VCL: variants seen among roughly 807,000 people sequenced by gnomAD.
VCL encodes epididymis luminal protein 114.
A neutral mutation model predicts 125.7 loss-of-function variants in VCL; 47 were observed. The observed-to-expected ratio is 0.37, with a 90% CI of 0.30 to 0.48. VCL has a LOEUF of 0.48. VCL is among the 20% of genes least tolerant of loss of function. The probability of loss-of-function intolerance (pLI) is 0.99; values close to 1 mark genes in which losing one functional copy is unlikely to be tolerated. For missense variants in VCL, 1,069 were observed against 1,455.5 expected, an observed-to-expected ratio of 0.73 and a Z score of 4.32; for synonymous variants, 458 against 514.6, an observed-to-expected ratio of 0.89 and a Z score of 1.49.
At chr10:74,102,961 G>T (rs905475701) in intron 14 of VCL, among the ~76,000 whole-genome samples, 1 of 151,996 alleles carries the variant, frequency 6.6e-6, no homozygotes, top group Admixed American at 6.5e-5. Flanking sequence ...CCGCCTCCGG[G>T]GTTCAAGCGA....
At chr10:74,055,397 T>G (rs1841374243) in intron 2 of VCL, among the ~76,000 whole-genome samples, 1 of 152,120 alleles carries the variant, frequency 6.6e-6, no homozygotes, top group Admixed American at 6.5e-5. Flanking sequence ...TAGGCTGGAA[T>G]GTAGTTGTGT....
chr10:74,085,948 A>C (rs1392374960), intron 8 of VCL, among the ~76,000 whole-genome samples: 2 of 151,990 alleles, frequency 1.3e-5, no homozygotes, highest in Non-Finnish European at 2.9e-5. Flanking sequence ...GCTCACTGTA[A>C]CTTCCGCCTC....
chr10:74,117,123 T>C (rs1275931070), intron 21 of VCL, among the ~76,000 whole-genome samples: 3 of 152,222 alleles, frequency 2.0e-5, no homozygotes, highest in African/African-American at 4.8e-5. Flanking sequence ...AAGTGGTTGG[T>C]TGCTTGGTTT....
chr10:74,038,060 C>T (rs530397035), intron 1 of VCL, among the ~76,000 whole-genome samples: 11 of 147,290 alleles, frequency 7.5e-5, no homozygotes, highest in Admixed American at 6.9e-4. Context: ...TGCAGTGGTG[C>T]GATCTCAGTT....
At chr10:74,013,778 T>C (rs1267637935) in intron 1 of VCL, among the ~76,000 whole-genome samples, 1 of 152,244 alleles carries the variant, frequency 6.6e-6, no homozygotes, top group Non-Finnish European at 1.5e-5. Flanking sequence ...TTCATTAAAA[T>C]GTTTATAACT....
intron 1 of VCL, among the ~76,000 whole-genome samples, chr10:74,006,137 C>T (rs1840320643): frequency 1.3e-5 from 2 of 151,944 alleles, no homozygotes; most frequent in South Asian, 2.1e-4. Context: ...CCGCTCGCCT[C>T]GGCCTCCCAA....
At chr10:74,046,593 A>C (rs889835131) in intron 2 of VCL, among the ~76,000 whole-genome samples, 8 of 152,184 alleles carry the variant, frequency 5.3e-5, no homozygotes. Context: ...TAAACATATT[A>C]TAATTAAACT....
chr10:74,042,931 C>A, intron 1 of VCL, 152 bp from the exon 2 acceptor site: 1 of 696,992 alleles, frequency 1.4e-6, no homozygotes, highest in African/African-American at 1.8e-5. Context: ...TGTGAGTAAT[C>A]CTAAAAAATT....
intron 1 of VCL, among the ~76,000 whole-genome samples, chr10:74,028,256 T>A (rs1158842157): frequency 6.6e-6 from 1 of 151,972 alleles, no homozygotes; most frequent in Non-Finnish European, 1.5e-5. Context: ...TTTATTTTTT[T>A]TATTTTTTGT....
chr10:74,094,422 C>T lies in VCL; in HGVS notation c.1504C>T (p.Arg502Trp), dbSNP rs754221616. 5.0e-6 allele frequency: 8 copies of T among 1,614,060 alleles called. No homozygotes were observed. In the South Asian group the frequency reaches 5.5e-5, roughly 11 times the overall value. ...HLEGKIEQAQ[R>W]WIDNPTVDDR... ...TGAGGGCAAGATTGAGCAAGCACAG[C>T]GGTGGATTGATAATCCCACAGTGGA... is the stretch of plus-strand genomic sequence containing the variant. Residue 502 changes from arginine to tryptophan, a missense_variant, in exon 11 of 22, where the codon CGG becomes TGG. Physicochemically the swap from Arg to Trp is moderately radical, Grantham distance 101 (BLOSUM62 -3). Around this residue, in one of 6 missense-constraint regions of VCL, gnomAD observed 760 missense variants for 928.9 expected, o/e 0.82. Coordinates refer to ENST00000211998, the MANE Select transcript of VCL (RefSeq NM_014000.3).
intron 1 of VCL, among the ~76,000 whole-genome samples, chr10:74,002,246 C>T (rs1840239623): frequency 6.6e-6 from 1 of 152,206 alleles, no homozygotes; most frequent in South Asian, 2.1e-4. Context: ...CTGCCTCAGC[C>T]TCCCTAGTAG....
chr10:74,083,424 A>C lies in VCL; in HGVS notation c.933A>C (p.Glu311Asp). ...TAGATGAAGCTGGAAAAGTTGGTGA[A>C]CTCTGTGCAGGCAAAGAACGCAGGG... ...QILDEAGKVGELCAGKERREI... is the reference protein window; with the variant it reads ...QILDEAGKVGDLCAGKERREI... Residue 311 changes from glutamate (E) to aspartate (D), a missense_variant, in exon 8 of 22, where the codon GAA becomes GAC. Physicochemically the swap from Glu to Asp is conservative, Grantham distance 45. This residue lies in a region of VCL where 760 missense variants were observed against 928.9 expected (regional missense o/e 0.82). Transcript: ENST00000211998. The C allele has an allele frequency of 6.2e-7, 1 of 1,614,108 alleles. No homozygotes were observed. The highest frequency in any genetic ancestry group is 8.5e-7 in the Non-Finnish European group (1 of 1,179,986).
rs543107675 is a variant in VCL at position 74,060,418 on chromosome 10, C to T, written c.240-10252C>T. Reference sequence around the variant, plus strand: ...CTGTAATCCCAGCATTTTGGAAGACCGAAGTGGGTGGATCACTTGAGGTCA... The same window carrying T: ...CTGTAATCCCAGCATTTTGGAAGACTGAAGTGGGTGGATCACTTGAGGTCA... On this transcript the variant is annotated intron_variant, in intron 2 of 21. Coordinates refer to ENST00000211998, the MANE Select transcript of VCL (RefSeq NM_014000.3). Among the ~76,000 whole-genome samples, 12 of 151,844 alleles carry T rather than the reference C, an allele frequency of 7.9e-5. No homozygotes were observed. The East Asian group carries it at 1.4e-3, about 17-fold the overall frequency.
intron 8 of VCL, among the ~76,000 whole-genome samples, 154 bp from the exon 9 acceptor site, chr10:74,089,042 G>A (rs530350404): frequency 2.0e-4 from 30 of 152,278 alleles, no homozygotes; most frequent in African/African-American, 7.2e-4. Context: ...GTCTTGCTTT[G>A]TTTATGTCTG....
At chr10:74,039,712 G>C (rs1472613495) in intron 1 of VCL, among the ~76,000 whole-genome samples, 1 of 151,966 alleles carries the variant, frequency 6.6e-6, no homozygotes, top group Non-Finnish European at 1.5e-5. Flanking sequence ...TGAATCACTT[G>C]AGCTATGATT....
At chr10:74,093,143 A>G (rs1167071795) in intron 10 of VCL, among the ~76,000 whole-genome samples, 2 of 152,160 alleles carry the variant, frequency 1.3e-5, no homozygotes, top group Non-Finnish European at 2.9e-5. Context: ...CTAAAAATAG[A>G]GAAATTAGCT....
At chr10:74,009,290 G>A (rs1840378090) in intron 1 of VCL, among the ~76,000 whole-genome samples, 1 of 136,882 alleles carries the variant, frequency 7.3e-6, no homozygotes, top group East Asian at 2.1e-4. Flanking sequence ...ACGGAGTCTC[G>A]CTCTATTGCC....
At chr10:74,100,902 C>A (rs1462229779) in intron 13 of VCL, 46 bp from the exon 14 acceptor site, 1 of 1,610,674 alleles carries the variant, frequency 6.2e-7, no homozygotes, top group East Asian at 2.2e-5. Flanking sequence ...GCTGCCTGAC[C>A]CATTTTATTG....
At chr10:74,068,398 C>T (rs886668094) in intron 2 of VCL, among the ~76,000 whole-genome samples, 4 of 152,134 alleles carry the variant, frequency 2.6e-5, no homozygotes, top group African/African-American at 9.6e-5. Flanking sequence ...GATCTCGGCT[C>T]ACTGCAACCT....
Sources: gnomAD v4.1 joint callset for allele counts (sites outside exome capture counted in the v4.1 genomes callset) on GRCh38, gnomAD v4.1.1 for gene constraint, gnomAD v4.1.1 regional missense constraint, MANE v1.5 for transcripts, NCBI Gene and HGNC (gene_info 2026-07-23, HGNC 2026-07-21) for gene names.